The following EIF4G1 variants were observed in gnomAD, a reference collection of about 807,000 sequenced individuals.
EIF4G1 encodes the protein eukaryotic translation initiation factor 4 gamma 1.
A neutral mutation model predicts 187.8 loss-of-function variants in EIF4G1; 4 were observed. The observed-to-expected ratio is 0.02, with a 90% confidence interval of 0.01 to 0.05. The LOEUF is 0.05. EIF4G1 is among the 10% of genes least tolerant of loss of function. The probability of loss-of-function intolerance (pLI) is 1.00; values close to 1 mark genes in which losing one functional copy is unlikely to be tolerated. For synonymous variants in EIF4G1, 844 were observed against 781.4 expected (o/e 1.08, Z -1.34); for missense variants, 1,647 against 2,081.1 (o/e 0.79, Z 4.06).
At position 184,315,503 on chromosome 3, in the gene EIF4G1, A is replaced by G. The variant is rs1722606735; in HGVS notation, c.-77A>G. On this transcript the variant is annotated 5_prime_UTR_variant, in exon 2 of 33. Coordinates refer to ENST00000346169, the MANE Select transcript of EIF4G1 (RefSeq NM_198241.3). ...CCCAACCCCAGGCCCTCGGATGCCC[A>G]GAACCTGTAGGCCGCACCGTGGACT... The G allele has an allele frequency of 2.9e-6, 2 of 685,750 alleles. No homozygotes were observed. Among genetic ancestry groups the G allele is most frequent in the Non-Finnish European group, 5.4e-6 (2 of 367,278 alleles). The allele number at this position is 685,750 out of a possible 1,614,324, so 42.5% of individuals were successfully genotyped here.
chr3:184,329,354 C>T (rs779854644), intron 28 of EIF4G1, among the ~76,000 whole-genome samples: 3 of 152,112 alleles, frequency 2.0e-5, no homozygotes, highest in Non-Finnish European at 2.9e-5. Flanking sequence ...AGAAATGGGC[C>T]GGGCGCAGTG....
Position 184,325,415 on chromosome 3 carries a change from A to T in EIF4G1, c.2961+42A>T. The T allele has an allele frequency of 6.2e-7, 1 of 1,614,130 alleles. No homozygotes were observed. The highest frequency in any genetic ancestry group is 8.5e-7 in the Non-Finnish European group (1 of 1,180,000). The stretch of plus-strand genomic sequence containing the variant: ...TCCCCACTGCCAGCCTGCTGCCTCC[A>T]GTTTCTGACACTGCCTTGTCTTGCC... On this transcript the variant is annotated intron_variant, in intron 19 of 32. Transcript: ENST00000346169. This position sits in a 1 kb window ranked among gnomAD's most constrained non-coding sequence, Gnocchi z 5.2.
Position 184,321,564 on chromosome 3 carries a change from T to C in EIF4G1, c.980T>C (p.Val327Ala). ...PTPLAEPILE[V>A]EVTLSKPVPE... Reference sequence around the variant, plus strand: ...CCTCTCGCCGAACCCATACTGGAAGTAGAAGTGACACTTAGCAAACCGGTT... The same window carrying C: ...CCTCTCGCCGAACCCATACTGGAAGCAGAAGTGACACTTAGCAAACCGGTT... Residue 327 changes from valine to alanine, a missense_variant, in exon 10 of 33, where the codon GTA becomes GCA. Coordinates refer to ENST00000346169, the MANE Select transcript of EIF4G1 (RefSeq NM_198241.3). 1 of 1,614,194 alleles carries C rather than the reference T, an allele frequency of 6.2e-7. No individual in the cohort carries two copies.
chr3:184,331,158 A>G (rs2108518521), intron 28 of EIF4G1, 108 bp from the exon 29 acceptor site: 1 of 1,173,974 alleles, frequency 8.5e-7, no homozygotes. Flanking sequence ...ATGCCTAGCA[A>G]GTACCTAGTA....
Position 184,331,570 on chromosome 3 carries a change from G to C in EIF4G1, c.4359G>C (p.Glu1453Asp), listed in dbSNP as rs774194565. ...GGCAGCTGGAGAAGCTGCTGAAGGAGGGCAGCAGTAACCAGCGGGTGTTCG... is the reference window on the plus strand; with the variant it reads ...GGCAGCTGGAGAAGCTGCTGAAGGACGGCAGCAGTAACCAGCGGGTGTTCG... ...LNRQLEKLLKEGSSNQRVFDW... is the reference protein window; with the variant it reads ...LNRQLEKLLKDGSSNQRVFDW... Residue 1453 changes from glutamate (E) to aspartate (D), a missense_variant, in exon 30 of 33, where the codon GAG becomes GAC. By Grantham distance (45) the Glu-to-Asp change is conservative (BLOSUM62 2). Coordinates refer to ENST00000346169, the MANE Select transcript of EIF4G1 (RefSeq NM_198241.3). 1 of 1,613,530 alleles carries C rather than the reference G, an allele frequency of 6.2e-7. No individual in the cohort carries two copies. The highest frequency in any genetic ancestry group is 1.1e-5 in the South Asian group (1 of 91,030).
intron 26 of EIF4G1, 93 bp from the exon 27 acceptor site, chr3:184,328,538 G>T (rs1725413717): frequency 6.4e-7 from 1 of 1,565,544 alleles, no homozygotes; most frequent in Non-Finnish European, 8.8e-7. Flanking sequence ...GTTCCTGGGG[G>T]TTCCATAGTT....
rs1219972240 is a variant in EIF4G1, at chr3:184,314,715, C to T, written c.-92+41C>T. ...CCGGGCCCGACCCGGCCCCCCCACC[C>T]CCTCCCCCCGCATCCGCCGCCATCC... is the stretch of plus-strand genomic sequence containing the variant. On this transcript the variant is annotated intron_variant, in intron 1 of 32. Transcript: ENST00000346169. The T allele has an allele frequency of 1.7e-4, 25 of 149,234 alleles. No individual in the cohort carries two copies. The East Asian group carries it at 4.4e-3, about 26-fold the overall frequency. 9.2% of individuals were successfully genotyped at this position (149,234 alleles called of 1,614,324 possible).
In EIF4G1 at chr3:184,317,444, C is replaced by A; in HGVS notation, c.271C>A (p.Pro91Thr). ...YPAGSQVMMI[P>T]SQISYPASQG... Reference sequence around the variant, plus strand: ...TGCTGGATCCCAAGTAATGATGATCCCTTCCCAGATCTCCTACCCAGCCTC... The same window carrying A: ...TGCTGGATCCCAAGTAATGATGATCACTTCCCAGATCTCCTACCCAGCCTC... The change falls in exon 5 of 33, where the codon CCT becomes ACT. Residue 91 changes from proline to threonine, a missense_variant. Pro to Thr is a conservative substitution (Grantham distance 38). Coordinates refer to ENST00000346169, the MANE Select transcript of EIF4G1 (RefSeq NM_198241.3). 6.2e-7 allele frequency: 1 copy of A among 1,614,082 alleles called. No individual in the cohort carries two copies. The highest frequency in any genetic ancestry group is 8.5e-7 in the Non-Finnish European group (1 of 1,180,022).
chr3:184,322,239 C>T lies in EIF4G1; in HGVS notation c.1520-123C>T. On this transcript the variant is annotated intron_variant, in intron 10 of 32. Coordinates refer to ENST00000346169, the MANE Select transcript of EIF4G1 (RefSeq NM_198241.3). ...AAGAACTAGATTAAGGACTTTTAAG[C>T]CTAAAAAGGGTGATGCAAAGGGGAA... is the stretch of plus-strand genomic sequence containing the variant. 6.5e-6 allele frequency: 10 copies of T among 1,533,672 alleles called. No homozygotes were observed. The South Asian group carries it at 9.2e-5, about 14-fold the overall frequency.
At position 184,335,096 on chromosome 3, in the gene EIF4G1, C is replaced by G. The variant is rs1295609695; in HGVS notation, c.*188C>G. 1.5e-6 allele frequency: 1 copy of G among 683,904 alleles called. No individual in the cohort carries two copies. Among genetic ancestry groups the G allele is most frequent in the African/African-American group, 1.8e-5 (1 of 55,792 alleles). The allele number at this position is 683,904 out of a possible 1,614,324, so 42.4% of individuals were successfully genotyped here. On this transcript the variant is annotated 3_prime_UTR_variant, in exon 33 of 33. Transcript: ENST00000346169. ...GCCTGGGCCCCCCTCCAGGATGCCG[C>G]CAGGTGTCCCTCTCCTCCCCCTGGG... is the stretch of plus-strand genomic sequence containing the variant.
In EIF4G1 at chr3:184,327,419, C is replaced by T. The variant is rs1035604616; in HGVS notation, c.3632C>T (p.Thr1211Met). 3.0e-5 allele frequency: 49 copies of T among 1,613,344 alleles called. No individual in the cohort carries two copies. The highest frequency in any genetic ancestry group is 5.3e-5 in the African/African-American group (4 of 74,916). Reference sequence around the variant, plus strand: ...GGGCTGCGCAAGGCAGCTAGCCTCACGGAGGATCGGGACCGTGGGCGGGAT... The same window carrying T: ...GGGCTGCGCAAGGCAGCTAGCCTCATGGAGGATCGGGACCGTGGGCGGGAT... ...PEGLRKAASLTEDRDRGRDAV... is the reference protein window; with the variant it reads ...PEGLRKAASLMEDRDRGRDAV... The change falls in exon 24 of 33, where the codon ACG (threonine) becomes ATG (methionine). Residue 1211 changes from threonine to methionine, a missense_variant. Physicochemically the swap from Thr to Met is moderately conservative, Grantham distance 81. Transcript: ENST00000346169.
chr3:184,319,426 G>GGTGTGTGTGTGTGT (rs1168140244), intron 6 of EIF4G1, among the ~76,000 whole-genome samples: 10 of 112,874 alleles, frequency 8.9e-5, no homozygotes, highest in East Asian at 2.4e-4. Context: ...GCCTACGAGG[G>GGTGTGTGTGTGTGT]GTGTGTGTGT....
intron 32 of EIF4G1, among the ~76,000 whole-genome samples, chr3:184,333,181 G>A (rs778830473): frequency 6.6e-6 from 1 of 152,174 alleles, no homozygotes; most frequent in African/African-American, 2.4e-5. Flanking sequence ...AGTCATGGAT[G>A]ACTCCCAGGA....
Position 184,331,971 on chromosome 3 carries a change from T to C in EIF4G1, c.4503T>C (p.Val1501=), listed in dbSNP as rs754585198. Reference sequence around the variant, plus strand: ...TTGAGACTCCCCTCCGAGTGGACGTTGCAGTGCTGAAAGCGCGAGCGAAGC... The same window carrying C: ...TTGAGACTCCCCTCCGAGTGGACGTCGCAGTGCTGAAAGCGCGAGCGAAGC... ...IIFETPLRVD[V]AVLKARAKLL... Residue 1501 remains valine (V), a synonymous_variant, in exon 32 of 33, where the codon GTT becomes GTC. Coordinates refer to ENST00000346169, the MANE Select transcript of EIF4G1 (RefSeq NM_198241.3). 6.2e-6 allele frequency: 10 copies of C among 1,614,170 alleles called. No individual in the cohort carries two copies. In the South Asian group the frequency reaches 8.8e-5, roughly 14 times the overall value.
chr3:184,324,630 T>G (rs1724516433), intron 17 of EIF4G1, among the ~76,000 whole-genome samples: 2 of 152,118 alleles, frequency 1.3e-5, no homozygotes, highest in African/African-American at 4.8e-5. Context: ...TGGCTAATTT[T>G]TTTGTATTTT....
In EIF4G1 at chr3:184,323,359, G is replaced by A. The variant is rs1462908358; in HGVS notation, c.2089-49G>A. On this transcript the variant is annotated intron_variant, in intron 14 of 32. Coordinates refer to ENST00000346169, the MANE Select transcript of EIF4G1 (RefSeq NM_198241.3). The surrounding 1 kb of genome is among the most constrained non-coding windows in gnomAD (Gnocchi z 6.9). ...GCGTGTAGTAGTGGTGTCACATATT[G>A]TGCTGACTAGTTCCATGTCCCCTCT... 6.2e-7 allele frequency: 1 copy of A among 1,613,312 alleles called. No homozygotes were observed. Among genetic ancestry groups the A allele is most frequent in the South Asian group, 1.1e-5 (1 of 90,998 alleles).
chr3:184,327,848 C>G lies in EIF4G1; in HGVS notation c.3799C>G (p.Gln1267Glu). ...NDMKEAVQCV[Q>E]ELASPSLLFI... ...CCCTCAGGAGGCAGTCCAGTGCGTG[C>G]AGGAGCTGGCCTCACCCTCCTTGCT... Residue 1267 changes from glutamine to glutamate, a missense_variant, in exon 26 of 33, where the codon CAG becomes GAG. Transcript: ENST00000346169. 1 of 1,614,040 alleles carries G rather than the reference C, an allele frequency of 6.2e-7. No individual in the cohort carries two copies. The highest frequency in any genetic ancestry group is 1.1e-5 in the South Asian group (1 of 91,090).
chr3:184,319,910 A>G (rs1041870852), intron 7 of EIF4G1, 109 bp downstream of exon 7: 5 of 805,500 alleles, frequency 6.2e-6, no homozygotes, highest in Non-Finnish European at 1.1e-5. Context: ...GAAGGAGCTG[A>G]GAGTGGGCAG....
chr3:184,325,811 A>T lies in EIF4G1; in HGVS notation c.3122-40A>T. ...GGCCCAAGGGGAAGGGGCTGCTAGGATTTATTCATTATTCCAGTATGCCCC... is the reference window on the plus strand; with the variant it reads ...GGCCCAAGGGGAAGGGGCTGCTAGGTTTTATTCATTATTCCAGTATGCCCC... On this transcript the variant is annotated intron_variant, in intron 20 of 32. Transcript: ENST00000346169. The surrounding 1 kb of genome is among the most constrained non-coding windows in gnomAD (Gnocchi z 5.2). 1 of 1,613,684 alleles carries T rather than the reference A, an allele frequency of 6.2e-7. No homozygotes were observed. The highest frequency in any genetic ancestry group is 8.5e-7 in the Non-Finnish European group (1 of 1,179,730).
Sources: allele counts gnomAD v4.1 joint callset (sites outside exome capture counted in the v4.1 genomes callset), GRCh38; gene constraint gnomAD v4.1.1; non-coding constraint Gnocchi (gnomAD v3.1); transcripts MANE v1.5; gene names NCBI Gene and HGNC (gene_info 2026-07-23, HGNC 2026-07-21).